RBPJ: variants seen among roughly 807,000 people sequenced by gnomAD.
The protein encoded by RBPJ is recombining binding protein suppressor of hairless.
RBPJ carries 9 observed loss-of-function variants against 67.8 expected under a neutral mutation model. The observed-to-expected ratio is 0.13, with a 90% CI of 0.08 to 0.23. RBPJ has a LOEUF of 0.23. Among genes scored for constraint, RBPJ ranks in the 10% least tolerant of loss-of-function variants. RBPJ has a pLI of 1.00. For missense variants in RBPJ, 305 were observed against 595.6 expected, an observed-to-expected ratio of 0.51 and a Z score of 5.08; for synonymous variants, 198 against 203.3, an observed-to-expected ratio of 0.97 and a Z score of 0.22.
chr4:26,146,186 A>C, the RBPJ span, among the ~76,000 whole-genome samples: 1 of 152,190 alleles, frequency 6.6e-6, no homozygotes, highest in Non-Finnish European at 1.5e-5. Flanking sequence ...CCTTCAAGCA[A>C]TCCTTCCACT....
intron 3 of RBPJ, among the ~76,000 whole-genome samples, chr4:26,406,530 G>T (rs561626150): frequency 6.6e-6 from 1 of 152,328 alleles, no homozygotes; most frequent in South Asian, 2.1e-4. Flanking sequence ...ACTTTCTGCA[G>T]AAAGGGTGCC....
the RBPJ span, among the ~76,000 whole-genome samples, chr4:26,118,372 G>A: frequency 6.6e-6 from 1 of 152,194 alleles, no homozygotes; most frequent in African/African-American, 2.4e-5. Context: ...TCATTCACCA[G>A]GTGAGGTATG....
chr4:26,311,400 A>G (rs1722423209), intron 1 of RBPJ, among the ~76,000 whole-genome samples: 4 of 152,072 alleles, frequency 2.6e-5, no homozygotes, highest in Admixed American at 2.6e-4. Flanking sequence ...TTAGCCAGGC[A>G]TGGTGGCAGG....
At chr4:26,318,387 AAAGG>A (rs1283084887), upstream of RBPJ, among the ~76,000 whole-genome samples, 3 of 152,202 alleles carry the variant, frequency 2.0e-5, no homozygotes, top group Non-Finnish European at 4.4e-5. Context: ...GAATGATCCA[AAAGG>A]AAGGGCTGCA....
At chr4:26,296,974 T>C (rs376013885) in intron 1 of RBPJ, among the ~76,000 whole-genome samples, 6 of 152,172 alleles carry the variant, frequency 3.9e-5, no homozygotes, top group Admixed American at 3.9e-4. Flanking sequence ...CCTGTGTTTA[T>C]AGAATTCCAG....
intron 1 of RBPJ, among the ~76,000 whole-genome samples, chr4:26,306,105 G>T (rs1290105635): frequency 7.2e-5 from 11 of 151,924 alleles, no homozygotes; most frequent in Non-Finnish European, 1.5e-4. Flanking sequence ...AATTTTCTAT[G>T]CCTAAGATCA....
upstream of RBPJ, among the ~76,000 whole-genome samples, chr4:26,316,334 C>T (rs1479121182): frequency 2.1e-5 from 3 of 145,126 alleles, no homozygotes; most frequent in African/African-American, 7.6e-5. Context: ...CATATATATA[C>T]ATTCATATAT....
the RBPJ span, among the ~76,000 whole-genome samples, chr4:26,129,044 G>T: frequency 1.7e-4 from 26 of 152,300 alleles, no homozygotes; most frequent in Non-Finnish European, 3.2e-4. Flanking sequence ...GATGAAAGTA[G>T]ACTAATACAA....
At chr4:26,359,628 A>T (rs961390529) in intron 1 of RBPJ, 1 of 152,024 alleles carries the variant, frequency 6.6e-6, no homozygotes, top group African/African-American at 2.4e-5. Flanking sequence ...GCACAGGCAT[A>T]GCCCCGGGGG....
chr4:26,166,777 A>G (rs1446374060), intron 1 of RBPJ, among the ~76,000 whole-genome samples: 5 of 152,176 alleles, frequency 3.3e-5, no homozygotes, highest in Non-Finnish European at 5.9e-5. Context: ...TGTTTTTGAC[A>G]TGAAGTCCTT....
chr4:26,169,630 C>T (rs551614931), intron 1 of RBPJ, among the ~76,000 whole-genome samples: 3 of 152,336 alleles, frequency 2.0e-5, no homozygotes, highest in African/African-American at 4.8e-5. Flanking sequence ...TTTAAGTCTG[C>T]AGAGGTTACT....
At position 26,431,844 on chromosome 4, in the gene RBPJ, A is replaced by C. The variant is rs1487469950; in HGVS notation, c.*837A>C. The C allele has an allele frequency of 6.6e-6, 1 of 152,114 alleles. No individual in the cohort carries two copies. The highest frequency in any genetic ancestry group is 1.5e-5 in the Non-Finnish European group (1 of 68,016). The allele number at this position is 152,114 out of a possible 1,614,324, so 9.4% of individuals were successfully genotyped here. A position where few individuals can be genotyped will look rare whatever the true frequency, so the allele number is the denominator to read the frequency against. On this transcript the variant is annotated 3_prime_UTR_variant, in exon 11 of 11. Transcript: ENST00000355476. ...CTGTGTTTTCCTTTTTTTAAAAAAAAATATGGACTTATTGTGGTTATCTGA... is the reference window on the plus strand; with the variant it reads ...CTGTGTTTTCCTTTTTTTAAAAAAACATATGGACTTATTGTGGTTATCTGA...
At chr4:26,386,859 G>T (rs993332545) in intron 2 of RBPJ, among the ~76,000 whole-genome samples, 9 of 152,050 alleles carry the variant, frequency 5.9e-5, no homozygotes, top group African/African-American at 1.9e-4. Flanking sequence ...GAAAGTATTG[G>T]TCTTAAAAAT....
chr4:26,354,373 A>G (rs1727129036), intron 1 of RBPJ, among the ~76,000 whole-genome samples: 1 of 152,150 alleles, frequency 6.6e-6, no homozygotes, highest in Admixed American at 6.6e-5. Flanking sequence ...TTCACCATCA[A>G]ATATAGATCA....
chr4:26,338,809 G>A (rs548452491), intron 1 of RBPJ, among the ~76,000 whole-genome samples: 1 of 151,250 alleles, frequency 6.6e-6, no homozygotes, highest in African/African-American at 2.4e-5. Context: ...TCCTGACCTC[G>A]TGATCCACCT....
At chr4:26,226,554 T>G (rs1719082296) in intron 1 of RBPJ, among the ~76,000 whole-genome samples, 1 of 152,202 alleles carries the variant, frequency 6.6e-6, no homozygotes, top group Non-Finnish European at 1.5e-5. Flanking sequence ...CCCAATTTCC[T>G]CAGTTCTAAA....
intron 1 of RBPJ, among the ~76,000 whole-genome samples, chr4:26,183,065 T>C (rs778892570): frequency 1.3e-5 from 2 of 152,230 alleles, no homozygotes; most frequent in Admixed American, 6.5e-5. Context: ...ATAAAAAGTA[T>C]AGTATAGTAA....
At chr4:26,342,891 G>C (rs942892477) in intron 1 of RBPJ, among the ~76,000 whole-genome samples, 1 of 152,194 alleles carries the variant, frequency 6.6e-6, no homozygotes, top group Non-Finnish European at 1.5e-5. Context: ...TATTAGCAAT[G>C]ACTCAAGATT....
At chr4:26,109,438 C>G in the RBPJ span, among the ~76,000 whole-genome samples, 1 of 34,290 alleles carries the variant, frequency 2.9e-5, no homozygotes, top group African/African-American at 2.1e-4. Flanking sequence ...CTCTCTCTCT[C>G]TCTCTCTCTC....
Sources: gnomAD v4.1 joint callset for allele counts (sites outside exome capture counted in the v4.1 genomes callset) on GRCh38, gnomAD v4.1.1 for gene constraint, MANE v1.5 for transcripts, NCBI Gene and HGNC (gene_info 2026-07-23, HGNC 2026-07-21) for gene names.